The following GALNT13 variants were observed in gnomAD, a reference collection of about 807,000 sequenced individuals.
GALNT13 encodes the protein polypeptide N-acetylgalactosaminyltransferase 13, also known as UDP-GalNAc:polypeptide N-acetylgalactosaminyltransferase 13.
A neutral mutation model predicts 64.2 loss-of-function variants in GALNT13; 28 were observed. That is an observed-to-expected ratio of 0.44 (90% CI 0.32 to 0.60). The LOEUF is 0.60. GALNT13 is among the 20% of genes least tolerant of loss of function. The pLI, the probability that GALNT13 is intolerant of heterozygous loss-of-function variation, is 0.05. For missense variants in GALNT13, 577 were observed against 669.8 expected (o/e 0.86, Z 1.53); for synonymous variants, 214 against 224.6 (o/e 0.95, Z 0.42).
At chr2:153,945,968 A>T (rs1284097934) in intron 3 of GALNT13, among the ~76,000 whole-genome samples, 2 of 152,116 alleles carry the variant, frequency 1.3e-5, no homozygotes, top group Non-Finnish European at 2.9e-5. Context: ...GTTTACATGC[A>T]TTTTTTATGC....
the GALNT13 span, among the ~76,000 whole-genome samples, chr2:153,677,207 A>G: frequency 6.6e-6 from 1 of 151,980 alleles, no homozygotes; most frequent in South Asian, 2.1e-4. Context: ...ATGTATAAAA[A>G]TAGGTAGCAT....
the GALNT13 span, among the ~76,000 whole-genome samples, chr2:153,262,170 A>C: frequency 6.6e-6 from 1 of 152,090 alleles, no homozygotes; most frequent in Non-Finnish European, 1.5e-5. Flanking sequence ...AATGTGCTGG[A>C]TCATACCTGA....
chr2:153,898,082 T>C (rs11887219), intron 1 of GALNT13, among the ~76,000 whole-genome samples: 1 of 151,810 alleles, frequency 6.6e-6, no homozygotes, highest in Admixed American at 6.6e-5. Flanking sequence ...CTGGTATCCT[T>C]TACCTTTTTC....
the GALNT13 span, among the ~76,000 whole-genome samples, chr2:153,308,384 T>C: frequency 6.6e-6 from 1 of 152,202 alleles, no homozygotes; most frequent in Non-Finnish European, 1.5e-5. Flanking sequence ...GTGATTCTTC[T>C]ATCTCTTCCT....
At chr2:154,387,149 T>C (rs886777449) in intron 9 of GALNT13, among the ~76,000 whole-genome samples, 2 of 152,100 alleles carry the variant, frequency 1.3e-5, no homozygotes, top group Non-Finnish European at 2.9e-5. Flanking sequence ...AATGAGAACT[T>C]ATGAGCCTGG....
intron 3 of GALNT13, among the ~76,000 whole-genome samples, chr2:154,031,842 A>T (rs2105307589): frequency 6.6e-6 from 1 of 152,092 alleles, no homozygotes; most frequent in Non-Finnish European, 1.5e-5. Context: ...TTTCTCACTA[A>T]TTAATAAAAC....
the GALNT13 span, among the ~76,000 whole-genome samples, chr2:153,725,512 C>A: frequency 6.6e-6 from 1 of 151,192 alleles, no homozygotes; most frequent in Non-Finnish European, 1.5e-5. Context: ...GCTAATATGA[C>A]TAAGATGCAG....
intron 4 of GALNT13, among the ~76,000 whole-genome samples, chr2:154,214,010 T>G (rs1397249634): frequency 1.3e-5 from 2 of 152,182 alleles, no homozygotes; most frequent in African/African-American, 4.8e-5. Context: ...GATCTCTTTC[T>G]GAGGTCCACC....
chr2:153,370,285 A>C, the GALNT13 span, among the ~76,000 whole-genome samples: 1 of 152,168 alleles, frequency 6.6e-6, no homozygotes, highest in Non-Finnish European at 1.5e-5. Flanking sequence ...TTCTTCTAAG[A>C]AATAAAGAGG....
intron 3 of GALNT13, among the ~76,000 whole-genome samples, chr2:153,990,645 T>C (rs1695099961): frequency 6.6e-6 from 1 of 152,110 alleles, no homozygotes; most frequent in South Asian, 2.1e-4. Context: ...TGGGGCTCTG[T>C]GACTTTGAAA....
intron 11 of GALNT13, among the ~76,000 whole-genome samples, chr2:154,438,123 A>C (rs1457113465): frequency 6.6e-6 from 1 of 152,168 alleles, no homozygotes; most frequent in Admixed American, 6.5e-5. Flanking sequence ...GCTCACTGAC[A>C]GTATTTAATA....
chr2:153,215,162 A>T, the GALNT13 span, among the ~76,000 whole-genome samples: 1 of 152,066 alleles, frequency 6.6e-6, no homozygotes, highest in Non-Finnish European at 1.5e-5. Context: ...TTTGTACCAG[A>T]CATTTTCAGA....
intron 8 of GALNT13, among the ~76,000 whole-genome samples, chr2:154,284,762 C>A (rs1248213068): frequency 6.6e-6 from 1 of 152,110 alleles, no homozygotes; most frequent in African/African-American, 2.4e-5. Context: ...TATTGAGGAA[C>A]CATCAAACTA....
the GALNT13 span, among the ~76,000 whole-genome samples, chr2:153,392,676 A>G: frequency 6.6e-6 from 1 of 151,966 alleles, no homozygotes; most frequent in Non-Finnish European, 1.5e-5. Flanking sequence ...TCTGAGTGAA[A>G]AGAATTACAT....
chr2:153,984,741 T>C (rs1051559143), intron 3 of GALNT13, among the ~76,000 whole-genome samples: 1 of 151,912 alleles, frequency 6.6e-6, no homozygotes, highest in African/African-American at 2.4e-5. Context: ...TTAATAATTA[T>C]AGCTTATTGT....
intron 3 of GALNT13, among the ~76,000 whole-genome samples, chr2:154,046,371 C>T (rs1032677833): frequency 1.3e-5 from 2 of 152,050 alleles, no homozygotes; most frequent in Admixed American, 6.6e-5. Flanking sequence ...GATACAAACA[C>T]ATTTCAAGTT....
the GALNT13 span, among the ~76,000 whole-genome samples, chr2:153,484,453 T>C: frequency 6.6e-6 from 1 of 152,248 alleles, no homozygotes; most frequent in Non-Finnish European, 1.5e-5. Flanking sequence ...TTCCTATATT[T>C]AAATTACACT....
chr2:153,610,472 G>T, the GALNT13 span, among the ~76,000 whole-genome samples: 1 of 151,962 alleles, frequency 6.6e-6, no homozygotes, highest in African/African-American at 2.4e-5. Context: ...ATCAGGAGTT[G>T]GAGACCAGCC....
At chr2:154,016,763 T>G (rs372587112) in intron 3 of GALNT13, among the ~76,000 whole-genome samples, 30 of 152,234 alleles carry the variant, frequency 2.0e-4, no homozygotes, top group African/African-American at 6.8e-4. Context: ...TTTGAGGATT[T>G]ATATAAAACA....
Sources: gnomAD v4.1 joint callset for allele counts (sites outside exome capture counted in the v4.1 genomes callset) on GRCh38, gnomAD v4.1.1 for gene constraint, MANE v1.5 for transcripts, NCBI Gene and HGNC (gene_info 2026-07-23, HGNC 2026-07-21) for gene names.